The following SMOC2 variants were observed in gnomAD, a reference collection of about 807,000 sequenced individuals.
The protein encoded by SMOC2 is SPARC related modular calcium binding 2.
A neutral mutation model predicts 61.4 loss-of-function variants in SMOC2; 39 were observed. That is an observed-to-expected ratio of 0.64 (90% CI 0.49 to 0.83). The LOEUF is 0.83. Ranked by LOEUF, SMOC2 falls within the 40% of genes least tolerant of loss-of-function variation. The pLI is 0.00. For missense variants in SMOC2, 556 were observed against 592.9 expected, an observed-to-expected ratio of 0.94 and a Z score of 0.65; for synonymous variants, 247 against 239.9, an observed-to-expected ratio of 1.03 and a Z score of -0.27.
intron 5 of SMOC2, 143 bp downstream of exon 5, chr6:168,543,815 A>C: frequency 1.3e-6 from 1 of 760,884 alleles, no homozygotes; most frequent in African/African-American, 1.7e-5. Context: ...TTCATTCAGC[A>C]ATGCCATTCA....
At chr6:168,665,000 A>G in intron 12 of SMOC2, 1 of 312,260 alleles carries the variant, frequency 3.2e-6, no homozygotes, top group South Asian at 2.5e-5. Context: ...GTAATTTAAA[A>G]CCATTTCCTG....
chr6:168,543,582 A>C, intron 4 of SMOC2, 43 bp from the exon 5 acceptor site: 1 of 1,561,024 alleles, frequency 6.4e-7, no homozygotes, highest in South Asian at 1.1e-5. Flanking sequence ...GCCATTTAAG[A>C]GTCCAAAATA....
At chr6:168,464,439 C>T (rs1200976052) in intron 1 of SMOC2, among the ~76,000 whole-genome samples, 1 of 152,106 alleles carries the variant, frequency 6.6e-6, no homozygotes, top group Non-Finnish European at 1.5e-5. Context: ...CTGTCCGGTG[C>T]CATTCCTGGA....
intron 1 of SMOC2, among the ~76,000 whole-genome samples, chr6:168,479,155 C>A (rs1473182995): frequency 1.3e-5 from 2 of 150,298 alleles, no homozygotes; most frequent in African/African-American, 4.9e-5. Flanking sequence ...GGTTTACAGA[C>A]CCTGTCTCGG....
At chr6:168,639,511 A>G (rs1786838195) in intron 9 of SMOC2, among the ~76,000 whole-genome samples, 1 of 152,232 alleles carries the variant, frequency 6.6e-6, no homozygotes, top group Non-Finnish European at 1.5e-5. Flanking sequence ...TGTTGGGAAC[A>G]TTCCAGATCT....
At chr6:168,540,620 C>T (rs1445874110) in intron 4 of SMOC2, among the ~76,000 whole-genome samples, 1 of 151,594 alleles carries the variant, frequency 6.6e-6, no homozygotes, top group Non-Finnish European at 1.5e-5. Context: ...TGCAGCGCCA[C>T]ATCCTCAGAA....
intron 7 of SMOC2, among the ~76,000 whole-genome samples, chr6:168,551,237 A>G (rs1342570569): frequency 6.6e-6 from 1 of 152,144 alleles, no homozygotes; most frequent in East Asian, 1.9e-4. Flanking sequence ...CTCCCCAGCA[A>G]TGCTGAACCG....
chr6:168,592,533 T>A (rs1271634406), intron 7 of SMOC2, among the ~76,000 whole-genome samples: 1 of 108,068 alleles, frequency 9.3e-6, no homozygotes, highest in African/African-American at 3.5e-5. Flanking sequence ...ACGGGCATCT[T>A]TCTAGAGGAT....
chr6:168,590,836 C>G (rs1785163709), intron 7 of SMOC2, among the ~76,000 whole-genome samples: 1 of 152,120 alleles, frequency 6.6e-6, no homozygotes, highest in Non-Finnish European at 1.5e-5. Context: ...ATTATTTGAA[C>G]AAACTGTCAG....
intron 7 of SMOC2, among the ~76,000 whole-genome samples, chr6:168,562,346 G>A (rs1395557536): frequency 2.2e-5 from 3 of 137,706 alleles, no homozygotes; most frequent in Admixed American, 7.1e-5. Context: ...CTGTGTTCTC[G>A]GAGGAGGTGT....
intron 4 of SMOC2, among the ~76,000 whole-genome samples, chr6:168,541,831 C>T (rs546567404): frequency 4.6e-5 from 7 of 152,234 alleles, no homozygotes; most frequent in Admixed American, 2.0e-4. Flanking sequence ...TGCAAGGGCC[C>T]GAAGAGAAAG....
chr6:168,453,092 G>A lies in SMOC2; in HGVS notation c.84+11638G>A, dbSNP rs555132864. ...CACCAGAGTCCCCAGGGCCTTGGCC[G>A]GACACTCAGGGCAATCTGCCCTGAG... On this transcript the variant is annotated intron_variant, in intron 1 of 12. Coordinates refer to ENST00000356284, the MANE Select transcript of SMOC2 (RefSeq NM_001166412.2). The surrounding 1 kb of genome is among the most constrained non-coding windows in gnomAD (Gnocchi z 4.4). Among the ~76,000 whole-genome samples, 71 of 152,284 alleles carry A rather than the reference G, an allele frequency of 4.7e-4. No individual in the cohort carries two copies. Among genetic ancestry groups the A allele is most frequent in the Middle Eastern group, 3.4e-3 (1 of 294 alleles).
intron 7 of SMOC2, among the ~76,000 whole-genome samples, chr6:168,562,682 G>A (rs375934390): frequency 1.3e-5 from 2 of 152,204 alleles, no homozygotes; most frequent in East Asian, 3.8e-4. Flanking sequence ...CGCATCCGGG[G>A]TTATCAGGTA....
rs1342126750 is a variant in SMOC2, at chr6:168,529,640, A to G, written c.463+1913A>G. ...GTCACTTTGGAAACTTTATGGAGTCATGGCAAATTGTGGAGAGAATTTTGA... is the reference window on the plus strand; with the variant it reads ...GTCACTTTGGAAACTTTATGGAGTCGTGGCAAATTGTGGAGAGAATTTTGA... On this transcript the variant is annotated intron_variant, in intron 4 of 12. Coordinates refer to ENST00000356284, the MANE Select transcript of SMOC2 (RefSeq NM_001166412.2). Among the ~76,000 whole-genome samples the G allele has an allele frequency of 2.0e-5, 3 of 152,232 alleles. No individual in the cohort carries two copies. In the East Asian group the frequency reaches 5.8e-4, roughly 29 times the overall value.
intron 1 of SMOC2, among the ~76,000 whole-genome samples, chr6:168,476,026 A>G (rs1782074294): frequency 6.6e-6 from 1 of 152,110 alleles, no homozygotes; most frequent in African/African-American, 2.4e-5. Context: ...AGGTACAGAG[A>G]TGAGGTTGGA....
intron 1 of SMOC2, among the ~76,000 whole-genome samples, chr6:168,457,464 G>T (rs1781612476): frequency 6.6e-6 from 1 of 152,222 alleles, no homozygotes; most frequent in Non-Finnish European, 1.5e-5. Flanking sequence ...TCATCGCCTT[G>T]TGTTTCCCGT....
At chr6:168,599,032 G>C in intron 8 of SMOC2, 28 bp downstream of exon 8, 5 of 1,544,256 alleles carry the variant, frequency 3.2e-6, no homozygotes, top group Non-Finnish European at 4.4e-6. Flanking sequence ...ACCCCCCCCG[G>C]GACCATGGGA....
intron 7 of SMOC2, among the ~76,000 whole-genome samples, chr6:168,597,748 T>C (rs1175505010): frequency 6.6e-6 from 1 of 152,222 alleles, no homozygotes; most frequent in Non-Finnish European, 1.5e-5. Context: ...GCAGAGAGGC[T>C]GCCCCTGCTG....
chr6:168,648,135 C>T (rs944018567), intron 9 of SMOC2, among the ~76,000 whole-genome samples: 7 of 152,332 alleles, frequency 4.6e-5, no homozygotes, highest in Admixed American at 1.3e-4. Context: ...TTTCTTAAAG[C>T]TGTTCAGTAC....
Sources: allele counts gnomAD v4.1 joint callset (sites outside exome capture counted in the v4.1 genomes callset), GRCh38; gene constraint gnomAD v4.1.1; non-coding constraint Gnocchi (gnomAD v3.1); transcripts MANE v1.5; gene names NCBI Gene and HGNC (gene_info 2026-07-23, HGNC 2026-07-21).